Variants in PKNOX1 observed in about 807,000 individuals in gnomAD.
PKNOX1 encodes homeobox protein PKNOX1.
A neutral mutation model predicts 51.9 loss-of-function variants in PKNOX1; 15 were observed. The ratio of observed to expected loss-of-function variants is 0.29; its 90% CI spans 0.19 to 0.45. The LOEUF (loss-of-function observed/expected upper bound fraction) is 0.45. PKNOX1 is among the 20% of genes least tolerant of loss of function. The pLI, the probability that PKNOX1 is intolerant of heterozygous loss-of-function variation, is 1.00. For missense variants in PKNOX1, 462 were observed against 547.5 expected, an observed-to-expected ratio of 0.84 and a Z score of 1.56; for synonymous variants, 219 against 211.1, an observed-to-expected ratio of 1.04 and a Z score of -0.32.
intron 2 of PKNOX1, 104 bp downstream of exon 2, chr21:43,004,536 C>G: frequency 1.2e-6 from 1 of 809,318 alleles, no homozygotes; most frequent in Non-Finnish European, 2.2e-6. Flanking sequence ...AGGTTGCATG[C>G]TCAGTGTTAG....
rs945115083 is a variant in PKNOX1, at chr21:42,988,395, A to C, written c.-57+13731A>C. On this transcript the variant is annotated intron_variant, in intron 1 of 10. Coordinates refer to ENST00000291547, the MANE Select transcript of PKNOX1 (RefSeq NM_004571.5). The stretch of plus-strand genomic sequence containing the variant: ...CCAAATCAAAGTTGGTCTGGATCTA[A>C]ATGGAATCAAATAGCAGAACTGTTG... 5.9e-5 allele frequency among the ~76,000 whole-genome samples: 9 copies of C among 152,218 alleles called. 1 individual carries two copies. In the South Asian group the frequency reaches 6.2e-4, roughly 11 times the overall value.
At chr21:42,992,101 G>A (rs1451661192) in intron 1 of PKNOX1, among the ~76,000 whole-genome samples, 11 of 152,186 alleles carry the variant, frequency 7.2e-5, no homozygotes, top group Admixed American at 7.2e-4. Context: ...CTTTCGTGGT[G>A]CTTGCCTCAT....
chr21:43,011,987 C>T (rs1345909747), intron 4 of PKNOX1, among the ~76,000 whole-genome samples: 3 of 152,248 alleles, frequency 2.0e-5, no homozygotes, highest in South Asian at 2.1e-4. Context: ...CCTCTGCACC[C>T]CACTAGGCTG....
chr21:43,004,526 A>G, intron 2 of PKNOX1, 94 bp downstream of exon 2: 1 of 844,694 alleles, frequency 1.2e-6, no homozygotes, highest in Non-Finnish European at 2.1e-6. Flanking sequence ...AATTGCCATG[A>G]GGTTGCATGC....
chr21:42,993,819 G>A lies in PKNOX1; in HGVS notation c.-56-10507G>A, dbSNP rs150245431. On this transcript the variant is annotated intron_variant, in intron 1 of 10. Coordinates refer to ENST00000291547, the MANE Select transcript of PKNOX1 (RefSeq NM_004571.5). ...GCAGTCTGGGCTCACAGCAGCCTCC[G>A]CTTCCCGGGTGCAAGTGATTCTCCT... Among the ~76,000 whole-genome samples, 606 of 147,564 alleles carry A rather than the reference G, an allele frequency of 4.1e-3. 3 individuals are homozygous for A. Among genetic ancestry groups the A allele is most frequent in the African/African-American group, 0.014 (574 of 40,158 alleles).
At chr21:42,978,042 A>C (rs959540615) in intron 1 of PKNOX1, among the ~76,000 whole-genome samples, 1 of 151,202 alleles carries the variant, frequency 6.6e-6, no homozygotes, top group Non-Finnish European at 1.5e-5. Flanking sequence ...TTTTGAGACT[A>C]TTGCCCAGGT....
At chr21:43,009,965 G>A in intron 3 of PKNOX1, 88 bp from the exon 4 acceptor site, 1 of 718,120 alleles carries the variant, frequency 1.4e-6, no homozygotes, top group Non-Finnish European at 2.2e-6. Flanking sequence ...CAACAGAGGT[G>A]TTAGTGAAGT....
rs1358942979 is a variant in PKNOX1, at chr21:43,030,995, A to G, written c.*894A>G. On this transcript the variant is annotated 3_prime_UTR_variant, in exon 11 of 11. Coordinates refer to ENST00000291547, the MANE Select transcript of PKNOX1 (RefSeq NM_004571.5). ...CATTTTACACTTGATCTAAACATAT[A>G]TCGAAAGATATCTGCTAAACAGGAC... 6.6e-6 allele frequency: 1 copy of G among 152,448 alleles called. No individual in the cohort carries two copies. Among genetic ancestry groups the G allele is most frequent in the Non-Finnish European group, 1.5e-5 (1 of 68,008 alleles). The allele number at this position is 152,448 out of a possible 1,614,324, so 9.4% of individuals were successfully genotyped here. A position where few individuals can be genotyped will look rare whatever the true frequency, so the allele number is the denominator to read the frequency against.
intron 9 of PKNOX1, among the ~76,000 whole-genome samples, chr21:43,026,453 A>G (rs1014101899): frequency 6.6e-6 from 1 of 152,184 alleles, no homozygotes; most frequent in Non-Finnish European, 1.5e-5. Flanking sequence ...GCTTTGAATA[A>G]GAATGATTTA....
In PKNOX1 at chr21:43,031,211, T is replaced by C. The variant is rs1030590725; in HGVS notation, c.*1110T>C. The C allele has an allele frequency of 1.3e-5, 2 of 152,692 alleles. No homozygotes were observed. The highest frequency in any genetic ancestry group is 2.9e-5 in the Non-Finnish European group (2 of 68,052). 9.5% of individuals were successfully genotyped at this position (152,692 alleles called of 1,614,324 possible). A position where few individuals can be genotyped will look rare whatever the true frequency, so the allele number is the denominator to read the frequency against. On this transcript the variant is annotated 3_prime_UTR_variant, in exon 11 of 11. Transcript: ENST00000291547. ...TATTATAAACTAATATAAAATGTGC[T>C]CTACCCCATTGGCTCAGAGCTAGGG...
In PKNOX1 at chr21:42,986,883, G is replaced by A. The variant is rs1472011163; in HGVS notation, c.-57+12219G>A. 2.6e-5 allele frequency among the ~76,000 whole-genome samples: 4 copies of A among 152,120 alleles called. No homozygotes were observed. In the South Asian group the frequency reaches 6.2e-4, roughly 24 times the overall value. On this transcript the variant is annotated intron_variant, in intron 1 of 10. Transcript: ENST00000291547. ...TTACCCTAGAATTTCCAGTGGAATT[G>A]TGGCTGCTCATTAGTCAACACTGCT...
At position 43,030,141 on chromosome 21, in the gene PKNOX1, A is replaced by T; in HGVS notation, c.*40A>T. ...GCACCTGACTTTTTGGAGTTTGCAC[A>T]GCAAACATTTTACACAGTTTTATTT... On this transcript the variant is annotated 3_prime_UTR_variant, in exon 11 of 11. Transcript: ENST00000291547. 1 of 1,424,266 alleles carries T rather than the reference A, an allele frequency of 7.0e-7. No individual in the cohort carries two copies. The highest frequency in any genetic ancestry group is 9.7e-7 in the Non-Finnish European group (1 of 1,034,820). The allele number at this position is 1,424,266 out of a possible 1,614,324, so 88.2% of individuals were successfully genotyped here.
intron 9 of PKNOX1, among the ~76,000 whole-genome samples, chr21:43,028,036 G>A (rs879711451): frequency 3.3e-5 from 5 of 152,220 alleles, no homozygotes; most frequent in Non-Finnish European, 5.9e-5. Context: ...AGCGTCTGTC[G>A]GGGATTTCAT....
chr21:43,019,421 A>AAAG (rs1555862921), intron 7 of PKNOX1, among the ~76,000 whole-genome samples: 2 of 138,310 alleles, frequency 1.4e-5, no homozygotes, highest in Non-Finnish European at 3.3e-5. Flanking sequence ...AAAAAAAAAC[A>AAAG]CACATTTTTT....
At chr21:42,992,622 A>G (rs2059092915) in intron 1 of PKNOX1, among the ~76,000 whole-genome samples, 1 of 152,108 alleles carries the variant, frequency 6.6e-6, no homozygotes, top group Admixed American at 6.6e-5. Context: ...GCTTTCTGAA[A>G]TCCGTCAGCT....
chr21:42,982,269 G>A (rs1004855009), intron 1 of PKNOX1, among the ~76,000 whole-genome samples: 2 of 152,218 alleles, frequency 1.3e-5, no homozygotes, highest in Non-Finnish European at 2.9e-5. Flanking sequence ...TGCCAGTGGG[G>A]TTGGGTCACT....
At chr21:43,004,572 G>T in intron 2 of PKNOX1, 140 bp downstream of exon 2, 1 of 547,640 alleles carries the variant, frequency 1.8e-6, no homozygotes, top group East Asian at 2.9e-5. Flanking sequence ...TTGTACATTC[G>T]TGTTCAGAAA....
chr21:43,032,554 T>A lies in PKNOX1; in HGVS notation c.*2453T>A, dbSNP rs1980322749. On this transcript the variant is annotated 3_prime_UTR_variant, in exon 11 of 11. Coordinates refer to ENST00000291547, the MANE Select transcript of PKNOX1 (RefSeq NM_004571.5). ...ATGGCATGTGCCAGGAGTTTGAGGCTGCAGTGCACTATGCTTGCACCTGTG... is the reference window on the plus strand; with the variant it reads ...ATGGCATGTGCCAGGAGTTTGAGGCAGCAGTGCACTATGCTTGCACCTGTG... 1.4e-5 allele frequency: 3 copies of A among 210,762 alleles called. No homozygotes were observed. The East Asian group carries it at 3.5e-4, about 24-fold the overall frequency. The allele number at this position is 210,762 out of a possible 1,614,324, so 13.1% of individuals were successfully genotyped here.
At chr21:42,983,143 A>G (rs1399714064) in intron 1 of PKNOX1, among the ~76,000 whole-genome samples, 1 of 152,154 alleles carries the variant, frequency 6.6e-6, no homozygotes, top group Non-Finnish European at 1.5e-5. Flanking sequence ...GGTAAAATAC[A>G]CGTAACAAAA....
Sources: gnomAD v4.1 joint callset for allele counts (sites outside exome capture counted in the v4.1 genomes callset) on GRCh38, gnomAD v4.1.1 for gene constraint, MANE v1.5 for transcripts, NCBI Gene and HGNC (gene_info 2026-07-23, HGNC 2026-07-21) for gene names.